The following WDR72 variants were observed in gnomAD, a reference collection of about 807,000 sequenced individuals.
WDR72 encodes the protein WD repeat-containing protein 72.
Under a neutral mutation model 124.2 loss-of-function variants are expected in WDR72, and 120 were observed. That is an observed-to-expected ratio of 0.97 (90% confidence interval 0.83 to 1.12). The LOEUF (loss-of-function observed/expected upper bound fraction) is 1.12. Among genes scored for constraint, WDR72 ranks in the 50% most tolerant of loss-of-function variants. The pLI is 0.00. For missense variants in WDR72, 1,387 were observed against 1,278.8 expected (o/e 1.08, Z -1.29); for synonymous variants, 452 against 441.7 (o/e 1.02, Z -0.29).
intron 3 of WDR72, among the ~76,000 whole-genome samples, chr15:53,718,653 A>G (rs993498440): frequency 6.6e-6 from 1 of 152,096 alleles, no homozygotes; most frequent in Non-Finnish European, 1.5e-5. Context: ...TTGAACTATT[A>G]AAAAACATAA....
At chr15:53,553,554 A>G (rs1403528823) in intron 18 of WDR72, among the ~76,000 whole-genome samples, 1 of 152,166 alleles carries the variant, frequency 6.6e-6, no homozygotes, top group Non-Finnish European at 1.5e-5. Flanking sequence ...AGAAACCTAA[A>G]CATTGGTCAA....
In WDR72 at chr15:53,665,701, C is replaced by T; in HGVS notation, c.1833G>A (p.Gln611=). The T allele has an allele frequency of 6.2e-7, 1 of 1,613,938 alleles. No homozygotes were observed. The change falls in exon 14 of 20, where the codon CAG becomes CAA. Residue 611 remains glutamine (Q), a synonymous_variant. Transcript: ENST00000360509. ...CAATGGGAAGTACAGACTTCACAAG[C>T]TGTGAATCATCACAACAATTAAGAA... ...RIILNCCDDS[Q]LVKSVLPIAS... is the part of the protein sequence containing the mutation.
Position 53,705,024 on chromosome 15 carries a change from T to C in WDR72, c.1312A>G (p.Lys438Glu), listed in dbSNP as rs779176147. The C allele has an allele frequency of 6.2e-7, 1 of 1,613,956 alleles. No individual in the cohort carries two copies. The highest frequency in any genetic ancestry group is 1.3e-5 in the African/African-American group (1 of 74,918). ...GAACCACCTTCCAGAAGTCTTGCTTTGGCAGCATTCAAAGCCTGGGTAATG... is the reference window on the plus strand; with the variant it reads ...GAACCACCTTCCAGAAGTCTTGCTTCGGCAGCATTCAAAGCCTGGGTAATG... Reference protein sequence around the residue: ...IIITQALNAAKARLLEGGSLV... With the variant: ...IIITQALNAAEARLLEGGSLV... The change falls in exon 11 of 20, where the codon AAA becomes GAA. Residue 438 changes from lysine (K) to glutamate (E), a missense_variant. By Grantham distance (56) the Lys-to-Glu change is moderately conservative. Transcript: ENST00000360509.
intron 18 of WDR72, among the ~76,000 whole-genome samples, chr15:53,593,137 G>T (rs2012590392): frequency 6.6e-6 from 1 of 152,020 alleles, no homozygotes; most frequent in African/African-American, 2.4e-5. Context: ...AATAGTTCCA[G>T]ACACCTGGTG....
intron 13 of WDR72, among the ~76,000 whole-genome samples, chr15:53,670,135 C>T (rs1292888390): frequency 1.3e-5 from 2 of 151,964 alleles, no homozygotes; most frequent in Non-Finnish European, 2.9e-5. Context: ...GTATAAAATG[C>T]TTTCCAGTAA....
At chr15:53,684,604 A>C (rs1255283367) in intron 13 of WDR72, 1 of 158,072 alleles carries the variant, frequency 6.3e-6, no homozygotes, top group African/African-American at 2.4e-5. Flanking sequence ...GTCTGAGATC[A>C]AACTGCAAGG....
Position 53,628,201 on chromosome 15 carries a change from T to C in WDR72, c.1963-11958A>G, listed in dbSNP as rs544781620. ...GAAAGACCCTATGGAATCTGCATTC[T>C]AGTTAATCTTCAAGTTTCTAAATTA... On this transcript the variant is annotated intron_variant, in intron 14 of 19. Coordinates refer to ENST00000360509, the MANE Select transcript of WDR72 (RefSeq NM_182758.4). 1.5e-4 allele frequency among the ~76,000 whole-genome samples: 23 copies of C among 152,324 alleles called. No homozygotes were observed. In the South Asian group the frequency reaches 4.6e-3, roughly 30 times the overall value.
intron 14 of WDR72, among the ~76,000 whole-genome samples, chr15:53,630,216 A>C (rs1056251766): frequency 3.0e-4 from 46 of 152,348 alleles, no homozygotes; most frequent in African/African-American, 1.1e-3. Flanking sequence ...ATTAGTAGTT[A>C]AACATCCTTC....
At chr15:53,634,937 G>A (rs1207621225) in intron 14 of WDR72, among the ~76,000 whole-genome samples, 1 of 152,166 alleles carries the variant, frequency 6.6e-6, no homozygotes. Flanking sequence ...TCCTGTCAGG[G>A]AGGTCCAGAG....
At chr15:53,701,559 T>TCTCTCTCACACA (rs369568228) in intron 12 of WDR72, among the ~76,000 whole-genome samples, 172 of 120,156 alleles carry the variant, frequency 1.4e-3, no homozygotes, top group African/African-American at 4.5e-3. Context: ...TCTCTCTCTC[T>TCTCTCTCACACA]CACACACACA....
intron 9 of WDR72, among the ~76,000 whole-genome samples, chr15:53,709,680 A>G (rs1345729639): frequency 6.6e-6 from 1 of 152,222 alleles, no homozygotes; most frequent in Non-Finnish European, 1.5e-5. Flanking sequence ...GGAACCTATT[A>G]CTGCCCACAA....
At chr15:53,701,559 T>TCTCTCTCTCACACACA (rs369568228) in intron 12 of WDR72, among the ~76,000 whole-genome samples, 53 of 120,160 alleles carry the variant, frequency 4.4e-4, no homozygotes, top group African/African-American at 1.3e-3. Context: ...TCTCTCTCTC[T>TCTCTCTCTCACACACA]CACACACACA....
At chr15:53,668,055 G>C (rs1442572148) in intron 13 of WDR72, among the ~76,000 whole-genome samples, 1 of 152,156 alleles carries the variant, frequency 6.6e-6, no homozygotes, top group Non-Finnish European at 1.5e-5. Context: ...GTCCCTGGGA[G>C]CTTCCTTAAA....
chr15:53,735,772 T>C (rs1398325630), intron 1 of WDR72, among the ~76,000 whole-genome samples: 6 of 151,996 alleles, frequency 3.9e-5, no homozygotes, highest in African/African-American at 1.2e-4. Flanking sequence ...CAGGAACTAA[T>C]AATAAGTGAA....
chr15:53,755,710 C>T lies in WDR72; in HGVS notation c.-13+3923G>A, dbSNP rs756306305. The stretch of plus-strand genomic sequence containing the variant: ...TGACAGATCATGGGGCCTCCATTAC[C>T]GCAGAAAGAGAAGGGCTAGGCCTGG... On this transcript the variant is annotated intron_variant, in intron 1 of 19. Transcript: ENST00000360509. Among the ~76,000 whole-genome samples the T allele has an allele frequency of 3.3e-5, 5 of 152,304 alleles. No individual in the cohort carries two copies. In the East Asian group the frequency reaches 5.8e-4, roughly 18 times the overall value.
At chr15:53,660,719 A>T (rs1046102706) in intron 14 of WDR72, among the ~76,000 whole-genome samples, 4 of 152,096 alleles carry the variant, frequency 2.6e-5, no homozygotes, top group Admixed American at 1.3e-4. Flanking sequence ...AAATTCCATT[A>T]AAAAAAATTC....
At chr15:53,716,260 A>G (rs2017704122) in intron 4 of WDR72, among the ~76,000 whole-genome samples, 1 of 152,212 alleles carries the variant, frequency 6.6e-6, no homozygotes, top group Non-Finnish European at 1.5e-5. Context: ...GGAGAAAAAA[A>G]CTGTGTGTGC....
At chr15:53,737,788 T>A (rs769622914) in intron 1 of WDR72, among the ~76,000 whole-genome samples, 1 of 152,188 alleles carries the variant, frequency 6.6e-6, no homozygotes, top group African/African-American at 2.4e-5. Flanking sequence ...TTGAACCACA[T>A]AATTTGTATT....
At chr15:53,744,320 A>G (rs150221065) in intron 1 of WDR72, among the ~76,000 whole-genome samples, 1 of 152,328 alleles carries the variant, frequency 6.6e-6, no homozygotes, top group Admixed American at 6.5e-5. Flanking sequence ...AAACTTGTCT[A>G]GAAATATAAA....
Sources: gnomAD v4.1 joint callset for allele counts (sites outside exome capture counted in the v4.1 genomes callset) on GRCh38, gnomAD v4.1.1 for gene constraint, MANE v1.5 for transcripts, NCBI Gene and HGNC (gene_info 2026-07-23, HGNC 2026-07-21) for gene names.